PDGFRL: variants seen among roughly 807,000 people sequenced by gnomAD.
PDGFRL encodes the protein platelet derived growth factor receptor like.
A neutral mutation model predicts 37.2 loss-of-function variants in PDGFRL; 46 were observed. The ratio of observed to expected loss-of-function variants is 1.24; its 90% CI spans 0.98 to 1.58. The LOEUF is 1.58. Among genes scored for constraint, PDGFRL ranks in the 40% most tolerant of loss-of-function variants. PDGFRL has a pLI of 0.00. For synonymous variants in PDGFRL, 251 were observed against 184.3 expected, an observed-to-expected ratio of 1.36 and a Z score of -2.93; for missense variants, 692 against 467.6, an observed-to-expected ratio of 1.48 and a Z score of -4.43.
chr8:17,634,534 C>T (rs904644321), intron 5 of PDGFRL, among the ~76,000 whole-genome samples: 7 of 151,636 alleles, frequency 4.6e-5, no homozygotes, highest in Admixed American at 2.0e-4. Flanking sequence ...CTCATTGCAG[C>T]GCCATTCACA....
intron 3 of PDGFRL, among the ~76,000 whole-genome samples, chr8:17,622,289 C>A (rs1050930373): frequency 6.6e-6 from 1 of 152,204 alleles, no homozygotes; most frequent in South Asian, 2.1e-4. Flanking sequence ...TACAAAGCCA[C>A]CCTCGTCCTA....
intron 2 of PDGFRL, among the ~76,000 whole-genome samples, chr8:17,617,588 C>A (rs1804554218): frequency 6.6e-6 from 1 of 152,174 alleles, no homozygotes; most frequent in African/African-American, 2.4e-5. Context: ...TAGAAATGGA[C>A]ATTCTAAATC....
At chr8:17,625,154 G>T (rs1310101994) in intron 3 of PDGFRL, among the ~76,000 whole-genome samples, 3 of 94,116 alleles carry the variant, frequency 3.2e-5, no homozygotes, top group African/African-American at 4.4e-5. Flanking sequence ...GCATTTTTTT[G>T]TTTTTTTGTC....
chr8:17,622,966 C>T (rs1043911254), intron 3 of PDGFRL, among the ~76,000 whole-genome samples: 8 of 152,148 alleles, frequency 5.3e-5, no homozygotes, highest in Admixed American at 2.0e-4. Context: ...AGGCAAGACC[C>T]CTGTGCACAA....
intron 2 of PDGFRL, among the ~76,000 whole-genome samples, chr8:17,609,221 A>G (rs1804351408): frequency 6.6e-6 from 1 of 151,218 alleles, no homozygotes; most frequent in Admixed American, 6.6e-5. Flanking sequence ...ATAAAATAGG[A>G]GCCAGCTGGG....
intron 5 of PDGFRL, among the ~76,000 whole-genome samples, chr8:17,637,875 T>C (rs1270699193): frequency 6.6e-6 from 1 of 152,198 alleles, no homozygotes; most frequent in Non-Finnish European, 1.5e-5. Context: ...CACAGTAGCC[T>C]TGAATTATCT....
intron 1 of PDGFRL, among the ~76,000 whole-genome samples, chr8:17,585,439 G>A (rs1563504116): frequency 1.3e-5 from 2 of 152,142 alleles, no homozygotes; most frequent in Non-Finnish European, 2.9e-5. Context: ...GAAAGGAAGG[G>A]CTTGCTACAT....
At chr8:17,588,840 T>A (rs572514533) in intron 1 of PDGFRL, among the ~76,000 whole-genome samples, 1 of 152,142 alleles carries the variant, frequency 6.6e-6, no homozygotes, top group African/African-American at 2.4e-5. Flanking sequence ...TTCTGCTGTT[T>A]TGTGTGACTG....
intron 5 of PDGFRL, among the ~76,000 whole-genome samples, chr8:17,641,586 G>A (rs977091183): frequency 1.3e-5 from 2 of 152,200 alleles, no homozygotes; most frequent in South Asian, 2.1e-4. Flanking sequence ...CCAAAAAGGT[G>A]CTGTGAGGCC....
At chr8:17,635,976 C>G (rs111733670) in intron 5 of PDGFRL, among the ~76,000 whole-genome samples, 132 of 152,174 alleles carry the variant, frequency 8.7e-4, no homozygotes, top group African/African-American at 3.1e-3. Flanking sequence ...TTGTTATTTT[C>G]TTGCTGATTT....
Position 17,621,143 on chromosome 8 carries a change from G to T in PDGFRL, c.446G>T (p.Ser149Ile). 2 of 1,612,448 alleles carry T rather than the reference G, an allele frequency of 1.2e-6. No homozygotes were observed. The highest frequency in any genetic ancestry group is 1.7e-6 in the Non-Finnish European group (2 of 1,178,870). Residue 149 changes from serine to isoleucine, a missense_variant, in exon 3 of 6, where the codon AGC (serine) becomes ATC (isoleucine). Ser to Ile is a moderately radical substitution (Grantham distance 142). Transcript: ENST00000251630. ...GEFSCWVQLC[S>I]GYICRKDEAK... The stretch of plus-strand genomic sequence containing the variant: ...TTCAGCTGCTGGGTGCAGCTCTGCA[G>T]CGGCTACATCTGCAGGAAGGACGAG...
intron 2 of PDGFRL, among the ~76,000 whole-genome samples, chr8:17,613,481 G>C (rs1804463102): frequency 6.6e-6 from 1 of 152,124 alleles, no homozygotes; most frequent in Admixed American, 6.5e-5. Flanking sequence ...GCCAAGAATA[G>C]GACCTGCAGG....
rs1055121454 is a variant in PDGFRL, at chr8:17,640,990, G to C, written c.940-1623G>C. Among the ~76,000 whole-genome samples, 18 of 152,052 alleles carry C rather than the reference G, an allele frequency of 1.2e-4. 1 individual carries two copies. Among genetic ancestry groups the C allele is most frequent in the Non-Finnish European group, 1.5e-4 (10 of 68,006 alleles). ...TGGCGGTGTGGTTCTCAGGCCAATG[G>C]GGTTATGTTCCTCAGGGGATTATGG... On this transcript the variant is annotated intron_variant, in intron 5 of 5. Transcript: ENST00000251630.
intron 3 of PDGFRL, among the ~76,000 whole-genome samples, chr8:17,627,834 A>G (rs954348310): frequency 6.6e-6 from 1 of 151,978 alleles, no homozygotes; most frequent in Non-Finnish European, 1.5e-5. Context: ...ACTATATATT[A>G]TAGTATAAGA....
intron 2 of PDGFRL, among the ~76,000 whole-genome samples, chr8:17,593,247 C>CTA (rs1803981075): frequency 6.6e-6 from 1 of 151,876 alleles, no homozygotes; most frequent in Non-Finnish European, 1.5e-5. Context: ...AGGCTTACCA[C>CTA]TATATATATT....
At chr8:17,615,533 G>A (rs1054960162) in intron 2 of PDGFRL, among the ~76,000 whole-genome samples, 7 of 152,024 alleles carry the variant, frequency 4.6e-5, no homozygotes, top group Admixed American at 2.6e-4. Context: ...TCTATGTTTC[G>A]GTGCCCTCAA....
At chr8:17,580,251 A>G (rs1803677483) in intron 1 of PDGFRL, among the ~76,000 whole-genome samples, 1 of 152,122 alleles carries the variant, frequency 6.6e-6, no homozygotes, top group African/African-American at 2.4e-5. Context: ...CTAAGAAGGT[A>G]AGGACAGAGA....
At chr8:17,618,643 C>T (rs1007572897) in intron 2 of PDGFRL, among the ~76,000 whole-genome samples, 11 of 152,180 alleles carry the variant, frequency 7.2e-5, no homozygotes, top group Non-Finnish European at 4.4e-5. Context: ...CTCAGTTTTC[C>T]CCCTCTGCAA....
chr8:17,609,276 G>T (rs1585316456), intron 2 of PDGFRL, among the ~76,000 whole-genome samples: 1 of 152,090 alleles, frequency 6.6e-6, no homozygotes, highest in Non-Finnish European at 1.5e-5. Context: ...GGTGGCTGAG[G>T]CTGGTGGATC....
Sources: allele counts gnomAD v4.1 joint callset (sites outside exome capture counted in the v4.1 genomes callset), GRCh38; gene constraint gnomAD v4.1.1; transcripts MANE v1.5; gene names NCBI Gene and HGNC (gene_info 2026-07-23, HGNC 2026-07-21).